The following MCUB variants were observed in gnomAD, a reference collection of about 807,000 sequenced individuals.
MCUB encodes the protein calcium uniporter regulatory subunit MCUb, mitochondrial.
Under a neutral mutation model 41.4 loss-of-function variants are expected in MCUB, and 46 were observed. The ratio of observed to expected loss-of-function variants is 1.11; its 90% CI spans 0.88 to 1.42. The LOEUF is 1.42. MCUB is among the 40% of genes most tolerant of loss of function. The pLI, the probability that MCUB is intolerant of heterozygous loss-of-function variation, is 0.00. For synonymous variants in MCUB, 148 were observed against 148.2 expected, an observed-to-expected ratio of 1.00 and a Z score of 0.01; for missense variants, 403 against 404.9, an observed-to-expected ratio of 1.00 and a Z score of 0.04.
At chr4:109,648,720 GAAGC>G in intron 1 of MCUB, 4 of 212,702 alleles carry the variant, frequency 1.9e-5, no homozygotes, top group East Asian at 1.4e-4. Context: ...TTGGTACAGA[GAAGC>G]AAAAAAAAAA....
At chr4:109,677,641 C>T (rs1729601523) in intron 4 of MCUB, among the ~76,000 whole-genome samples, 1 of 151,966 alleles carries the variant, frequency 6.6e-6, no homozygotes, top group African/African-American at 2.4e-5. Flanking sequence ...CAGTGGGTTC[C>T]TTAATAAAGG....
At chr4:109,562,891 CAGTT>C (rs143379757) in intron 1 of MCUB, among the ~76,000 whole-genome samples, 1,843 of 151,092 alleles carry the variant, frequency 0.012, 37 homozygotes, top group African/African-American at 0.043. Flanking sequence ...GAAAAAAAAA[CAGTT>C]TGTTGACATG....
intron 1 of MCUB, among the ~76,000 whole-genome samples, chr4:109,657,251 A>G (rs2126143907): frequency 6.6e-6 from 1 of 152,092 alleles, no homozygotes. Context: ...AGAAAGCTCA[A>G]ATGAACAGTC....
At chr4:109,612,845 G>C (rs375605201) in intron 1 of MCUB, among the ~76,000 whole-genome samples, 1 of 152,130 alleles carries the variant, frequency 6.6e-6, no homozygotes, top group Admixed American at 6.5e-5. Context: ...GGTGTCTCAC[G>C]CCTGTAATCC....
At chr4:109,574,521 C>T (rs186562296) in intron 1 of MCUB, among the ~76,000 whole-genome samples, 2 of 152,152 alleles carry the variant, frequency 1.3e-5, no homozygotes, top group African/African-American at 4.8e-5. Flanking sequence ...CACACCCGAA[C>T]CAGGAAGCAA....
chr4:109,573,498 C>T (rs1404663379), intron 1 of MCUB, among the ~76,000 whole-genome samples: 1 of 150,840 alleles, frequency 6.6e-6, no homozygotes, highest in Admixed American at 6.6e-5. Flanking sequence ...ACCGATTTAG[C>T]AATGCTAGGA....
At chr4:109,627,360 T>C (rs1728383047) in intron 1 of MCUB, among the ~76,000 whole-genome samples, 1 of 152,228 alleles carries the variant, frequency 6.6e-6, no homozygotes, top group Non-Finnish European at 1.5e-5. Context: ...TAAGGTGGTA[T>C]GATACATGAT....
intron 1 of MCUB, among the ~76,000 whole-genome samples, chr4:109,578,689 G>A (rs886984554): frequency 2.0e-5 from 3 of 151,962 alleles, no homozygotes; most frequent in Non-Finnish European, 4.4e-5. Context: ...TAAATTTTTT[G>A]TAGAGACAAG....
In MCUB at chr4:109,560,265, C is replaced by A; in HGVS notation, c.-73C>A. 1.4e-6 allele frequency: 1 copy of A among 734,848 alleles called. No individual in the cohort carries two copies. Among genetic ancestry groups the A allele is most frequent in the Non-Finnish European group, 1.9e-6 (1 of 535,024 alleles). The allele number at this position is 734,848 out of a possible 1,614,324, so 45.5% of individuals were successfully genotyped here. ...GCGCCCACAGCTCGGAGCCACCAGG[C>A]GCTGACGAGGAGCCCGGCTGAGGGA... On this transcript the variant is annotated 5_prime_UTR_variant, in exon 1 of 8. Coordinates refer to ENST00000394650, the MANE Select transcript of MCUB (RefSeq NM_017918.5).
intron 1 of MCUB, among the ~76,000 whole-genome samples, chr4:109,641,480 T>C (rs996313634): frequency 6.6e-6 from 1 of 152,110 alleles, no homozygotes; most frequent in Non-Finnish European, 1.5e-5. Flanking sequence ...ATAATTACAA[T>C]AGTAACATCA....
intron 1 of MCUB, among the ~76,000 whole-genome samples, chr4:109,563,642 G>A (rs1286765641): frequency 2.0e-5 from 3 of 152,166 alleles, no homozygotes; most frequent in South Asian, 4.1e-4. Flanking sequence ...CACTTTTGCA[G>A]CACTTAAGTA....
chr4:109,641,358 C>T (rs1561237374), intron 1 of MCUB, among the ~76,000 whole-genome samples: 1 of 151,848 alleles, frequency 6.6e-6, no homozygotes, highest in Non-Finnish European at 1.5e-5. Context: ...CCTGCCTCAG[C>T]CTCCCAAAGT....
At chr4:109,637,867 C>T (rs75983263) in intron 1 of MCUB, among the ~76,000 whole-genome samples, 4,441 of 152,198 alleles carry the variant, frequency 0.029, 119 homozygotes, top group Non-Finnish European at 0.034. Flanking sequence ...TAACCAAATA[C>T]GACCTGTTCC....
chr4:109,623,079 T>C (rs899865561), intron 1 of MCUB, among the ~76,000 whole-genome samples: 2 of 152,190 alleles, frequency 1.3e-5, no homozygotes, highest in African/African-American at 4.8e-5. Context: ...TCGCCCTGCA[T>C]GAAGACGGCA....
rs750417033 is a variant in MCUB, at chr4:109,685,354, A to AT, written c.920_921insT (p.Glu307AspfsTer5). 1.3e-6 allele frequency: 2 copies of AT among 1,487,084 alleles called. No individual in the cohort carries two copies. Among genetic ancestry groups the AT allele is most frequent in the African/African-American group, 2.8e-5 (2 of 72,362 alleles). 92.1% of individuals were successfully genotyped at this position (1,487,084 alleles called of 1,614,324 possible). ...GTGCAGCAATACAACAAGTTAAAAG[A>AT]AGACCTTGCTAAGGTATACTACAAA... On this transcript the variant is annotated frameshift_variant, in exon 7 of 8. Transcript: ENST00000394650. LOFTEE classifies it low-confidence loss of function (END_TRUNC).
intron 1 of MCUB, among the ~76,000 whole-genome samples, chr4:109,562,629 C>A (rs765870492): frequency 3.9e-5 from 6 of 152,126 alleles, no homozygotes; most frequent in Middle Eastern, 3.2e-3. Flanking sequence ...AACATTCAGA[C>A]CCCTAGAGCC....
intron 1 of MCUB, among the ~76,000 whole-genome samples, chr4:109,647,585 CT>C (rs1361525529): frequency 6.6e-6 from 1 of 152,130 alleles, no homozygotes; most frequent in Non-Finnish European, 1.5e-5. Flanking sequence ...CATTCATCTA[CT>C]AAGAAGAACA....
intron 4 of MCUB, among the ~76,000 whole-genome samples, chr4:109,678,494 C>G (rs1729627609): frequency 6.9e-6 from 1 of 145,078 alleles, no homozygotes; most frequent in Admixed American, 6.9e-5. Context: ...GGCAGAGGCG[C>G]TCCCCATTTC....
intron 1 of MCUB, among the ~76,000 whole-genome samples, chr4:109,618,800 T>C (rs1728183164): frequency 6.6e-6 from 1 of 152,234 alleles, no homozygotes; most frequent in Non-Finnish European, 1.5e-5. Flanking sequence ...GAATGGTCTT[T>C]TTCTATAGAA....
Sources: allele counts gnomAD v4.1 joint callset (sites outside exome capture counted in the v4.1 genomes callset), GRCh38; gene constraint gnomAD v4.1.1; transcripts MANE v1.5; gene names NCBI Gene and HGNC (gene_info 2026-07-23, HGNC 2026-07-21).